The following CENATAC variants were observed in gnomAD, a reference collection of about 807,000 sequenced individuals.
CENATAC encodes centrosomal AT-AC splicing factor, also known as coiled-coil domain containing 84.
CENATAC carries 53 observed loss-of-function variants against 53.7 expected under a neutral mutation model. That is an observed-to-expected ratio of 0.99 (90% CI 0.79 to 1.24). The LOEUF (loss-of-function observed/expected upper bound fraction) is 1.24. Ranked by LOEUF, CENATAC falls within the 50% of genes most tolerant of loss-of-function variation. The pLI is 0.00. For synonymous variants in CENATAC, 156 were observed against 144.6 expected (o/e 1.08, Z -0.57); for missense variants, 474 against 417.8 (o/e 1.13, Z -1.17).
At chr11:119,013,635 T>C (rs1176459553) in intron 8 of CENATAC, among the ~76,000 whole-genome samples, 1 of 151,978 alleles carries the variant, frequency 6.6e-6, no homozygotes, top group African/African-American at 2.4e-5. Flanking sequence ...AGCTAATTTT[T>C]TGTATTTTCA....
chr11:119,010,829 A>C lies in CENATAC; in HGVS notation c.449A>C (p.Glu150Ala), dbSNP rs782350954. The change falls in exon 4 of 11, where the codon GAG (glutamate) becomes GCG (alanine). Residue 150 changes from glutamate to alanine, a missense_variant and splice_region_variant. Glu to Ala is a moderately radical substitution (Grantham distance 107). Transcript: ENST00000334418. The part of the protein sequence containing the change: ...YEEKEDKVIK[E>A]MAAQIREVEQ... ...GAAAAGGAGGATAAAGTGATCAAGGAGGTAAGTTAAAGTAGCAGTCCCTCA... is the reference window on the plus strand; with the variant it reads ...GAAAAGGAGGATAAAGTGATCAAGGCGGTAAGTTAAAGTAGCAGTCCCTCA... 2 of 1,613,902 alleles carry C rather than the reference A, an allele frequency of 1.2e-6. No individual in the cohort carries two copies. Among genetic ancestry groups the C allele is most frequent in the Non-Finnish European group, 1.7e-6 (2 of 1,179,804 alleles).
Position 119,015,084 on chromosome 11 carries a change from G to C in CENATAC, c.805+1G>C, listed in dbSNP as rs1943092004. The C allele has an allele frequency of 6.3e-7, 1 of 1,597,738 alleles. No individual in the cohort carries two copies. The highest frequency in any genetic ancestry group is 1.4e-5 in the African/African-American group (1 of 74,002). On this transcript the variant is annotated splice_donor_variant, in intron 9 of 10. Transcript: ENST00000334418. LOFTEE classifies it high-confidence loss of function. Reference sequence around the variant, plus strand: ...TCCTATGAAGAATTTCTTAAAGAAAGTAAGTAAACTAATTCAAGAGAGGAT... The same window carrying C: ...TCCTATGAAGAATTTCTTAAAGAAACTAAGTAAACTAATTCAAGAGAGGAT...
rs913602605 is a variant in CENATAC at position 119,011,869 on chromosome 11, G to C, written c.514-70G>C. On this transcript the variant is annotated intron_variant, in intron 5 of 10. Coordinates refer to ENST00000334418, the MANE Select transcript of CENATAC (RefSeq NM_198489.3). ...CCTTCCTGTGATACTGGGGTCTGGA[G>C]GGTGGAGGCATGGCCTAGGCAGGCT... 2.2e-6 allele frequency: 3 copies of C among 1,348,974 alleles called. No homozygotes were observed. The African/African-American group carries it at 4.3e-5, about 19-fold the overall frequency. The allele number at this position is 1,348,974 out of a possible 1,614,324, so 83.6% of individuals were successfully genotyped here. A position where few individuals can be genotyped will look rare whatever the true frequency, so the allele number is the denominator to read the frequency against.
chr11:119,011,149 G>A, intron 4 of CENATAC, 72 bp from the exon 5 acceptor site: 2 of 1,386,840 alleles, frequency 1.4e-6, no homozygotes, highest in Non-Finnish European at 2.0e-6. Flanking sequence ...GAGGGCCCAA[G>A]TTAAAGGAAA....
chr11:118,998,410 A>G lies in CENATAC; in HGVS notation c.121-20A>G. The G allele has an allele frequency of 6.2e-7, 1 of 1,612,756 alleles. No homozygotes were observed. Among genetic ancestry groups the G allele is most frequent in the Non-Finnish European group, 8.5e-7 (1 of 1,179,772 alleles). Reference sequence around the variant, plus strand: ...ATTTGGGGGTCCCCCTCGGGGTTCTACTTGGCCTCTCTGCGGCAGGTGGAG... The same window carrying G: ...ATTTGGGGGTCCCCCTCGGGGTTCTGCTTGGCCTCTCTGCGGCAGGTGGAG... On this transcript the variant is annotated intron_variant, in intron 1 of 10. Coordinates refer to ENST00000334418, the MANE Select transcript of CENATAC (RefSeq NM_198489.3).
intron 3 of CENATAC, chr11:119,003,457 G>A (rs904567447): frequency 1.9e-5 from 9 of 462,182 alleles, no homozygotes; most frequent in Admixed American, 1.1e-4. Flanking sequence ...CTTGTGAAAA[G>A]GGGCTGATTT....
chr11:119,007,460 A>C (rs1223508546), intron 3 of CENATAC, among the ~76,000 whole-genome samples: 2 of 151,982 alleles, frequency 1.3e-5, no homozygotes, highest in African/African-American at 4.8e-5. Flanking sequence ...GGGATTACAG[A>C]TGTGAACCAC....
intron 3 of CENATAC, chr11:119,010,302 T>C (rs1942804800): frequency 6.4e-6 from 1 of 156,404 alleles, no homozygotes; most frequent in Non-Finnish European, 1.4e-5. Context: ...TGTTGGACTT[T>C]GGGATTGGAG....
Position 119,011,935 on chromosome 11 carries a change from T to G in CENATAC, c.514-4T>G. The G allele has an allele frequency of 6.2e-7, 1 of 1,613,992 alleles. No homozygotes were observed. The highest frequency in any genetic ancestry group is 8.5e-7 in the Non-Finnish European group (1 of 1,179,938). On this transcript the variant is annotated splice_region_variant and splice_polypyrimidine_tract_variant and intron_variant, in intron 5 of 10. Coordinates refer to ENST00000334418, the MANE Select transcript of CENATAC (RefSeq NM_198489.3). The stretch of plus-strand genomic sequence containing the variant: ...CACATTTATTTTTCCTGAATCAAAC[T>G]CAGCCTCAGGCAGTGCCAGACCCAG...
chr11:118,998,506 G>A lies in CENATAC; in HGVS notation c.197G>A (p.Cys66Tyr). 2 of 1,612,252 alleles carry A rather than the reference G, an allele frequency of 1.2e-6. No homozygotes were observed. The highest frequency in any genetic ancestry group is 1.3e-5 in the African/African-American group (1 of 75,046). ...YVPEHERCCW[C>Y]LCCGCEVREH... Reference sequence around the variant, plus strand: ...CCCGAACACGAGCGATGCTGCTGGTGCCTGTGCTGCGGCTGTGAGGTGCGG... The same window carrying A: ...CCCGAACACGAGCGATGCTGCTGGTACCTGTGCTGCGGCTGTGAGGTGCGG... The change falls in exon 2 of 11, where the codon TGC becomes TAC. Residue 66 changes from cysteine to tyrosine, a missense_variant. Transcript: ENST00000334418.
chr11:118,999,011 C>T lies in CENATAC; in HGVS notation c.285C>T (p.Ser95=), dbSNP rs1395772509. Residue 95 remains serine, a splice_region_variant and synonymous_variant, in exon 3 of 11, where the codon AGC becomes AGT. Coordinates refer to ENST00000334418, the MANE Select transcript of CENATAC (RefSeq NM_198489.3). The stretch of plus-strand genomic sequence containing the variant: ...GATTACTTATCCTCTCCATTTTCAG[C>T]CCAGAGCACAAGAAAGCAACCAACA... ...LYGGLLEHLA[S]PEHKKATNKF... 6.2e-7 allele frequency: 1 copy of T among 1,610,362 alleles called. No homozygotes were observed. Among genetic ancestry groups the T allele is most frequent in the East Asian group, 2.2e-5 (1 of 44,870 alleles).
chr11:119,002,230 A>T (rs1409045200), intron 3 of CENATAC, among the ~76,000 whole-genome samples: 134 of 149,424 alleles, frequency 9.0e-4, no homozygotes, highest in African/African-American at 3.1e-3. Context: ...GTCTCAAAAA[A>T]AAAAAAAAAA....
chr11:119,000,449 T>C (rs1372409625), intron 3 of CENATAC, among the ~76,000 whole-genome samples: 1 of 151,894 alleles, frequency 6.6e-6, no homozygotes, highest in East Asian at 1.9e-4. Context: ...TTTTTTTTTT[T>C]TTTTTTACAG....
At chr11:119,014,026 GCT>G (rs1279821763) in intron 8 of CENATAC, 12 of 152,278 alleles carry the variant, frequency 7.9e-5, no homozygotes, top group African/African-American at 2.9e-4. Flanking sequence ...TTCATACACT[GCT>G]CTTAGAATGT....
intron 3 of CENATAC, among the ~76,000 whole-genome samples, chr11:119,007,927 G>A (rs528772316): frequency 6.6e-6 from 1 of 152,306 alleles, no homozygotes; most frequent in African/African-American, 2.4e-5. Context: ...GAAAAGAAAA[G>A]GAAGACCAAA....
chr11:119,008,691 G>C (rs544995869), intron 3 of CENATAC, among the ~76,000 whole-genome samples: 1 of 151,970 alleles, frequency 6.6e-6, no homozygotes, highest in Non-Finnish European at 1.5e-5. Context: ...TACAGGTGTC[G>C]GGCTGGGAGA....
At chr11:119,006,238 C>CTTTTT (rs369673711) in intron 3 of CENATAC, among the ~76,000 whole-genome samples, 2 of 127,006 alleles carry the variant, frequency 1.6e-5, no homozygotes, top group East Asian at 4.6e-4. Context: ...CACACCCAAC[C>CTTTTT]TTTTTTTTTT....
rs555432905 is a variant in CENATAC, at chr11:119,010,889, C to T, written c.450+59C>T. ...CACCAGGGGCTGGTTTCGTGGAAGA[C>T]GGTTTTTCCACAGATGGACCCAGGC... On this transcript the variant is annotated intron_variant, in intron 4 of 10. Coordinates refer to ENST00000334418, the MANE Select transcript of CENATAC (RefSeq NM_198489.3). 198 of 1,486,418 alleles carry T rather than the reference C, an allele frequency of 1.3e-4. No homozygotes were observed. In the East Asian group the frequency reaches 1.6e-3, roughly 12 times the overall value. The allele number at this position is 1,486,418 out of a possible 1,614,324, so 92.1% of individuals were successfully genotyped here.
chr11:119,007,750 G>C (rs1942675430), intron 3 of CENATAC, among the ~76,000 whole-genome samples: 1 of 152,174 alleles, frequency 6.6e-6, no homozygotes, highest in African/African-American at 2.4e-5. Context: ...GCATCCCAAA[G>C]TGTTGAGATT....
Sources: allele counts gnomAD v4.1 joint callset (sites outside exome capture counted in the v4.1 genomes callset), GRCh38; gene constraint gnomAD v4.1.1; transcripts MANE v1.5; gene names NCBI Gene and HGNC (gene_info 2026-07-23, HGNC 2026-07-21).